The following CAB39L variants were observed in gnomAD, a reference collection of about 807,000 sequenced individuals.
The protein encoded by CAB39L is calcium binding protein 39 like, also known as calcium-binding protein 39-like.
In CAB39L, 23 loss-of-function variants were observed where a neutral mutation model predicts 39.1. The ratio of observed to expected loss-of-function variants is 0.59; its 90% CI spans 0.42 to 0.83. The LOEUF is 0.83. Among genes scored for constraint, CAB39L ranks in the 40% least tolerant of loss-of-function variants. CAB39L has a pLI of 0.00. For missense variants in CAB39L, 366 were observed against 391.9 expected, an observed-to-expected ratio of 0.93 and a Z score of 0.56; for synonymous variants, 126 against 137.2, an observed-to-expected ratio of 0.92 and a Z score of 0.57.
intron 1 of CAB39L, among the ~76,000 whole-genome samples, chr13:49,439,044 C>T (rs1008281329): frequency 6.6e-6 from 1 of 152,150 alleles, no homozygotes; most frequent in Non-Finnish European, 1.5e-5. Flanking sequence ...GCTCTCTTTG[C>T]CTGTCTTGTC....
intron 3 of CAB39L, among the ~76,000 whole-genome samples, chr13:49,392,270 C>T (rs1956504013): frequency 6.6e-6 from 1 of 151,962 alleles, no homozygotes; most frequent in Non-Finnish European, 1.5e-5. Context: ...ATATTAGGTA[C>T]AATAAAGGCT....
chr13:49,441,224 T>TATATATATATATA (rs1957514068), intron 1 of CAB39L, among the ~76,000 whole-genome samples: 2 of 105,298 alleles, frequency 1.9e-5, no homozygotes, highest in African/African-American at 1.1e-4. Flanking sequence ...ATTTAGTGTA[T>TATATATATATATA]ATATATATAT....
intron 7 of CAB39L, 49 bp from the exon 8 acceptor site, chr13:49,344,287 T>C (rs746865791): frequency 2.0e-6 from 2 of 1,019,820 alleles, no homozygotes; most frequent in Non-Finnish European, 3.1e-6. Context: ...GCTATTAATA[T>C]TACAAATGTG....
At chr13:49,376,229 CA>C (rs753223421) in intron 5 of CAB39L, among the ~76,000 whole-genome samples, 4 of 152,196 alleles carry the variant, frequency 2.6e-5, no homozygotes, top group Non-Finnish European at 4.4e-5. Context: ...CTGATACGAA[CA>C]AAATTCGTAT....
intron 10 of CAB39L, among the ~76,000 whole-genome samples, chr13:49,315,671 A>G (rs1049547414): frequency 1.1e-4 from 17 of 152,016 alleles, no homozygotes; most frequent in African/African-American, 3.9e-4. Context: ...CGGATCATGA[A>G]GTCAGGAGTT....
chr13:49,401,014 T>A (rs1956758983), intron 3 of CAB39L: 1 of 152,142 alleles, frequency 6.6e-6, no homozygotes, highest in Non-Finnish European at 1.5e-5. Context: ...AGAAACAAGG[T>A]AACAGCATGG....
At chr13:49,357,970 T>C (rs950223734) in intron 6 of CAB39L, among the ~76,000 whole-genome samples, 2 of 152,230 alleles carry the variant, frequency 1.3e-5, no homozygotes, top group Non-Finnish European at 2.9e-5. Flanking sequence ...AAATCTCTTA[T>C]ATACTTTCAC....
At chr13:49,376,920 T>TAGATAGATAGATAGATAGATAGATA in intron 5 of CAB39L, 47 bp downstream of exon 5, 2 of 1,440,576 alleles carry the variant, frequency 1.4e-6, no homozygotes, top group Non-Finnish European at 1.9e-6. Flanking sequence ...GATAGATAGA[T>TAGATAGATAGATAGATAGATAGATA]ATTAAAATTG....
chr13:49,336,177 T>C (rs1303065814), intron 9 of CAB39L, among the ~76,000 whole-genome samples: 1 of 151,732 alleles, frequency 6.6e-6, no homozygotes. Flanking sequence ...TATGTTTATA[T>C]ATGAGCTTAT....
At chr13:49,384,049 A>C (rs1001717231) in intron 3 of CAB39L, among the ~76,000 whole-genome samples, 3 of 152,192 alleles carry the variant, frequency 2.0e-5, no homozygotes, top group Non-Finnish European at 4.4e-5. Flanking sequence ...CCTTTCATGG[A>C]AGATTTCTCT....
intron 7 of CAB39L, among the ~76,000 whole-genome samples, chr13:49,346,077 T>TATATATATATATATATATGCTAG (rs1371756137): frequency 3.6e-5 from 1 of 27,936 alleles, no homozygotes; most frequent in African/African-American, 1.6e-4. Flanking sequence ...ATATGCTAGA[T>TATATATATATATATATATGCTAG]ATATATATAT....
At chr13:49,353,775 G>T (rs1003913324) in intron 6 of CAB39L, among the ~76,000 whole-genome samples, 1 of 151,952 alleles carries the variant, frequency 6.6e-6, no homozygotes, top group Admixed American at 6.6e-5. Context: ...AATTGTTGGG[G>T]ATATGTTTTA....
intron 10 of CAB39L, among the ~76,000 whole-genome samples, chr13:49,329,575 ATATATATATATATATATAT>A: frequency 2.4e-5 from 3 of 123,908 alleles, no homozygotes; most frequent in African/African-American, 9.9e-5. Flanking sequence ...ATATATATAT[ATATATATATATATATATAT>A]ATAATGATGT....
chr13:49,350,739 A>G lies in CAB39L; in HGVS notation c.564+5T>C. On this transcript the variant is annotated splice_donor_5th_base_variant and intron_variant, in intron 7 of 10. Transcript: ENST00000409308. ...GACCTAGCTGAGTTGGAAAAAAAAA[A>G]TTACCTTGAAAGTAGCAAAGGCATC... 1 of 1,531,532 alleles carries G rather than the reference A, an allele frequency of 6.5e-7. No homozygotes were observed. Among genetic ancestry groups the G allele is most frequent in the Non-Finnish European group, 8.8e-7 (1 of 1,137,484 alleles). 94.9% of individuals were successfully genotyped at this position (1,531,532 alleles called of 1,614,324 possible). A position where few individuals can be genotyped will look rare whatever the true frequency, so the allele number is the denominator to read the frequency against.
intron 3 of CAB39L, among the ~76,000 whole-genome samples, chr13:49,411,653 C>T (rs11618850): frequency 0.35 from 52,468 of 151,920 alleles, 9,445 homozygotes; most frequent in Middle Eastern, 0.41. Context: ...GTAGCTCTAT[C>T]TCATTCTTTT....
intron 10 of CAB39L, among the ~76,000 whole-genome samples, chr13:49,325,634 C>G (rs1042145977): frequency 6.6e-6 from 1 of 151,954 alleles, no homozygotes; most frequent in Non-Finnish European, 1.5e-5. Flanking sequence ...ACTAAAAATA[C>G]AAAAATTAGC....
intron 3 of CAB39L, among the ~76,000 whole-genome samples, chr13:49,386,432 C>T (rs938503998): frequency 6.6e-6 from 1 of 151,998 alleles, no homozygotes; most frequent in Non-Finnish European, 1.5e-5. Context: ...ACAAGAAAAA[C>T]ACAATCCCTG....
chr13:49,434,807 C>T (rs1264567842), intron 1 of CAB39L, among the ~76,000 whole-genome samples: 2 of 152,152 alleles, frequency 1.3e-5, no homozygotes, highest in East Asian at 3.8e-4. Context: ...CAAGAAAGTA[C>T]ATTTCAAAAT....
rs1953908212 is a variant in CAB39L at position 49,308,882 on chromosome 13, G to C, written c.*1932C>G. The C allele has an allele frequency of 6.6e-6, 1 of 152,258 alleles. No homozygotes were observed. Among genetic ancestry groups the C allele is most frequent in the Admixed American group, 6.5e-5 (1 of 15,274 alleles). 9.4% of individuals were successfully genotyped at this position (152,258 alleles called of 1,614,324 possible). On this transcript the variant is annotated 3_prime_UTR_variant, in exon 11 of 11. Transcript: ENST00000409308. ...TTTTCTGTTTGAAAGGTACTGAGCT[G>C]GGATAATGGGTTGCTAGGAAAGAGC...
Sources: gnomAD v4.1 joint callset for allele counts (sites outside exome capture counted in the v4.1 genomes callset) on GRCh38, gnomAD v4.1.1 for gene constraint, MANE v1.5 for transcripts, NCBI Gene and HGNC (gene_info 2026-07-23, HGNC 2026-07-21) for gene names.